The following APBA2 variants were observed in gnomAD, a reference collection of about 807,000 sequenced individuals.
APBA2 encodes the protein amyloid beta precursor protein binding family A member 2.
APBA2 carries 30 observed loss-of-function variants against 75.0 expected under a neutral mutation model. The ratio of observed to expected loss-of-function variants is 0.40; its 90% CI spans 0.30 to 0.54. The LOEUF is 0.54. Among genes scored for constraint, APBA2 ranks in the 20% least tolerant of loss-of-function variants. The pLI is 0.49. For missense variants in APBA2, 801 were observed against 1,016.1 expected (o/e 0.79, Z 2.88); for synonymous variants, 444 against 409.6 (o/e 1.08, Z -1.01).
intron 4 of APBA2, among the ~76,000 whole-genome samples, chr15:29,062,250 C>T (rs2042160209): frequency 6.6e-6 from 1 of 152,162 alleles, no homozygotes; most frequent in African/African-American, 2.4e-5. Context: ...CACTCCTGCT[C>T]TGCATACGGG....
Position 29,117,935 on chromosome 15 carries a change from CAT to C in APBA2, c.*803_*804del, listed in dbSNP as rs1456277212. 6.6e-6 allele frequency: 1 copy of C among 152,244 alleles called. No individual in the cohort carries two copies. The highest frequency in any genetic ancestry group is 2.4e-5 in the African/African-American group (1 of 41,414). 9.4% of individuals were successfully genotyped at this position (152,244 alleles called of 1,614,324 possible). On this transcript the variant is annotated 3_prime_UTR_variant, in exon 15 of 15. Transcript: ENST00000683413. ...CCCCTCTTTAAAATCGATCTACACA[CAT>C]CCACGCACATGCGACCCCGAGGAAA...
intron 2 of APBA2, among the ~76,000 whole-genome samples, chr15:28,935,508 C>T (rs765661481): frequency 6.6e-5 from 10 of 152,128 alleles, no homozygotes; most frequent in Non-Finnish European, 1.0e-4. Flanking sequence ...GGGCGTAGGA[C>T]GCTAGGGGGC....
chr15:28,936,104 C>T (rs2034852704), intron 2 of APBA2, among the ~76,000 whole-genome samples: 1 of 152,120 alleles, frequency 6.6e-6, no homozygotes, highest in Non-Finnish European at 1.5e-5. Flanking sequence ...AAAATAGACG[C>T]AGAGTTTGGC....
intron 2 of APBA2, among the ~76,000 whole-genome samples, chr15:28,955,598 G>A (rs1304609725): frequency 6.6e-6 from 1 of 152,214 alleles, no homozygotes; most frequent in Non-Finnish European, 1.5e-5. Context: ...TCTTTTGTGG[G>A]ATTTCTTCTG....
At chr15:28,922,830 T>C (rs2034047484) in intron 2 of APBA2, among the ~76,000 whole-genome samples, 1 of 152,198 alleles carries the variant, frequency 6.6e-6, no homozygotes, top group African/African-American at 2.4e-5. Context: ...CGGTGAGACC[T>C]TAGAAGCAGG....
At chr15:29,100,513 G>A (rs1036538956) in intron 9 of APBA2, among the ~76,000 whole-genome samples, 4 of 152,208 alleles carry the variant, frequency 2.6e-5, no homozygotes, top group African/African-American at 9.7e-5. Context: ...GTTAGGTAGG[G>A]GTTGTGGGCA....
intron 2 of APBA2, among the ~76,000 whole-genome samples, chr15:28,923,491 G>A (rs1454491631): frequency 6.7e-6 from 1 of 150,352 alleles, no homozygotes; most frequent in African/African-American, 2.4e-5. Flanking sequence ...GCCTCATGAT[G>A]CAGGAACAAG....
intron 6 of APBA2, among the ~76,000 whole-genome samples, chr15:29,092,701 C>G (rs991211090): frequency 2.6e-5 from 4 of 152,144 alleles, no homozygotes; most frequent in Admixed American, 6.5e-5. Context: ...AGTTTCAGGT[C>G]ACCAGCATGA....
chr15:28,942,377 G>A (rs534152384), intron 2 of APBA2, among the ~76,000 whole-genome samples: 4 of 152,356 alleles, frequency 2.6e-5, no homozygotes, highest in Non-Finnish European at 4.4e-5. Context: ...GGACCTTGGA[G>A]TTCTGTTGTT....
intron 6 of APBA2, among the ~76,000 whole-genome samples, chr15:29,088,639 G>C (rs2043405324): frequency 2.6e-5 from 4 of 152,184 alleles, no homozygotes; most frequent in Admixed American, 2.6e-4. Flanking sequence ...TGCTGGGATG[G>C]CTACAGTAGC....
intron 3 of APBA2, among the ~76,000 whole-genome samples, chr15:29,040,574 G>A (rs1007979603): frequency 6.6e-6 from 1 of 152,178 alleles, no homozygotes; most frequent in Non-Finnish European, 1.5e-5. Context: ...AACTCACAGA[G>A]CACAGCAAAG....
At chr15:28,915,562 C>G (rs2033653649) in intron 1 of APBA2, among the ~76,000 whole-genome samples, 1 of 150,312 alleles carries the variant, frequency 6.7e-6, no homozygotes, top group Non-Finnish European at 1.5e-5. Flanking sequence ...ACACCATACT[C>G]TATATACATA....
intron 1 of APBA2, chr15:28,919,261 A>T (rs2033841815): frequency 6.6e-6 from 1 of 152,408 alleles, no homozygotes; most frequent in Admixed American, 6.5e-5. Context: ...GGAAGGAGGC[A>T]GGATGCCACA....
At chr15:28,986,420 G>A (rs1454711883) in intron 2 of APBA2, among the ~76,000 whole-genome samples, 2 of 152,196 alleles carry the variant, frequency 1.3e-5, no homozygotes, top group Admixed American at 6.5e-5. Flanking sequence ...AGCCTGTTCC[G>A]TAAGAAGGAG....
chr15:28,934,929 C>A (rs1355532200), intron 2 of APBA2, among the ~76,000 whole-genome samples: 1 of 152,194 alleles, frequency 6.6e-6, no homozygotes, highest in Non-Finnish European at 1.5e-5. Context: ...TGGGTGTCCT[C>A]TGCTCTGTTG....
intron 3 of APBA2, among the ~76,000 whole-genome samples, chr15:28,998,666 A>G (rs546682312): frequency 6.6e-6 from 1 of 152,302 alleles, no homozygotes; most frequent in East Asian, 1.9e-4. Context: ...GAGACACGGC[A>G]ATGGCTGGGA....
At chr15:29,098,458 T>C in intron 8 of APBA2, 32 bp from the exon 9 acceptor site, 5 of 1,561,812 alleles carry the variant, frequency 3.2e-6, no homozygotes, top group Non-Finnish European at 4.4e-6. Context: ...AGTTGGTTTT[T>C]GGACTTTAAC....
chr15:29,062,924 C>T (rs71469198), intron 4 of APBA2, among the ~76,000 whole-genome samples: 3,850 of 147,064 alleles, frequency 0.026, 69 homozygotes, highest in Middle Eastern at 0.057. Flanking sequence ...TGATCTGGGT[C>T]AGTGTCTGTA....
intron 6 of APBA2, among the ~76,000 whole-genome samples, chr15:29,088,542 G>A (rs779266382): frequency 7.2e-5 from 11 of 152,148 alleles, no homozygotes; most frequent in African/African-American, 1.9e-4. Context: ...CCACCTTTCC[G>A]TCCTGTTGAT....
Sources: gnomAD v4.1 joint callset for allele counts (sites outside exome capture counted in the v4.1 genomes callset) on GRCh38, gnomAD v4.1.1 for gene constraint, MANE v1.5 for transcripts, NCBI Gene and HGNC (gene_info 2026-07-23, HGNC 2026-07-21) for gene names.